Variants in CAMK2D observed in about 807,000 individuals in gnomAD.
CAMK2D encodes the protein calcium/calmodulin-dependent protein kinase type II subunit delta.
A neutral mutation model predicts 84.0 loss-of-function variants in CAMK2D; 37 were observed. That is an observed-to-expected ratio of 0.44 (90% CI 0.34 to 0.58). The LOEUF is 0.58. Among genes scored for constraint, CAMK2D ranks in the 20% least tolerant of loss-of-function variants. The pLI is 0.02. For synonymous variants in CAMK2D, 202 were observed against 212.5 expected (o/e 0.95, Z 0.43); for missense variants, 448 against 652.5 (o/e 0.69, Z 3.41).
chr4:113,652,398 C>T (rs190783521), intron 3 of CAMK2D, among the ~76,000 whole-genome samples: 6 of 151,742 alleles, frequency 4.0e-5, no homozygotes, highest in Admixed American at 1.3e-4. Flanking sequence ...TTTTCTAATT[C>T]GGCCTACTTC....
chr4:113,566,185 T>G (rs901990372), intron 4 of CAMK2D, among the ~76,000 whole-genome samples: 1 of 152,216 alleles, frequency 6.6e-6, no homozygotes, highest in Admixed American at 6.5e-5. Context: ...GTGAATCAGC[T>G]TAGTAATACT....
At position 113,538,811 on chromosome 4, in the gene CAMK2D, G is replaced by C. The variant is rs561090657; in HGVS notation, c.415-1368C>G. The stretch of plus-strand genomic sequence containing the variant: ...ATTAGGTTAAATCTACAAGAAATTA[G>C]AGTGTTGGCGAGTAAGTTTTAATCA... On this transcript the variant is annotated intron_variant, in intron 6 of 20. Coordinates refer to ENST00000511664, the MANE Select transcript of CAMK2D (RefSeq NM_001321571.2). Among the ~76,000 whole-genome samples the C allele has an allele frequency of 1.6e-3, 248 of 152,278 alleles. 1 individual carries two copies. Among genetic ancestry groups the C allele is most frequent in the African/African-American group, 5.8e-3 (242 of 41,560 alleles).
chr4:113,712,631 TA>T (rs982957788), intron 2 of CAMK2D, among the ~76,000 whole-genome samples: 1 of 152,084 alleles, frequency 6.6e-6, no homozygotes, highest in Non-Finnish European at 1.5e-5. Context: ...TCTGAAATTG[TA>T]AAAATGGAAA....
At chr4:113,455,628 T>C (rs1008803923) in intron 20 of CAMK2D, 98 bp downstream of exon 20, 5 of 652,642 alleles carry the variant, frequency 7.7e-6, no homozygotes, top group African/African-American at 1.8e-5. Flanking sequence ...TCATTGAATA[T>C]TATGCAATAA....
intron 19 of CAMK2D, 159 bp downstream of exon 19, chr4:113,457,176 C>T (rs1391012199): frequency 5.6e-6 from 8 of 1,440,728 alleles, no homozygotes; most frequent in Non-Finnish European, 6.3e-6. Context: ...TTGATCTTTC[C>T]AGAGAATCAT....
At chr4:113,691,265 G>A (rs973769218) in intron 2 of CAMK2D, among the ~76,000 whole-genome samples, 14 of 152,192 alleles carry the variant, frequency 9.2e-5, no homozygotes, top group African/African-American at 3.1e-4. Flanking sequence ...GTTAGATTTA[G>A]TTACCATACT....
At chr4:113,529,179 A>G (rs954164768) in intron 8 of CAMK2D, among the ~76,000 whole-genome samples, 4 of 152,218 alleles carry the variant, frequency 2.6e-5, no homozygotes, top group South Asian at 2.1e-4. Flanking sequence ...CCAGGGGTTG[A>G]AACTATAAAT....
chr4:113,470,693 C>T (rs530817910), intron 16 of CAMK2D, among the ~76,000 whole-genome samples: 242 of 152,034 alleles, frequency 1.6e-3, no homozygotes, highest in Non-Finnish European at 3.1e-3. Flanking sequence ...GTCAGGTCCC[C>T]GCGATGTTAT....
intron 4 of CAMK2D, among the ~76,000 whole-genome samples, chr4:113,553,964 C>T (rs915367297): frequency 3.9e-5 from 6 of 152,086 alleles, no homozygotes; most frequent in African/African-American, 7.2e-5. Context: ...AATATATACT[C>T]GTAGTTATCC....
chr4:113,573,512 G>C (rs1264893801), intron 4 of CAMK2D, among the ~76,000 whole-genome samples: 2 of 152,164 alleles, frequency 1.3e-5, no homozygotes, highest in Non-Finnish European at 2.9e-5. Flanking sequence ...AAGCACACTA[G>C]GTCTGTTGAC....
At chr4:113,651,862 G>C (rs1356371939) in intron 3 of CAMK2D, among the ~76,000 whole-genome samples, 3 of 151,994 alleles carry the variant, frequency 2.0e-5, no homozygotes, top group Non-Finnish European at 4.4e-5. Flanking sequence ...AGATAAGCCA[G>C]ATTTTTTACC....
intron 2 of CAMK2D, among the ~76,000 whole-genome samples, chr4:113,669,593 C>T (rs1045098185): frequency 4.6e-5 from 7 of 152,286 alleles, no homozygotes; most frequent in Admixed American, 1.3e-4. Context: ...CTGACATTAG[C>T]GATCTCCCCT....
rs139426416 is a variant in CAMK2D, at chr4:113,692,890, TAAAAC to T, written c.161-31123_161-31119del. 9.2e-3 allele frequency among the ~76,000 whole-genome samples: 1,394 copies of T among 152,268 alleles called. 13 individuals are homozygous for T. The highest frequency in any genetic ancestry group is 0.032 in the African/African-American group (1,315 of 41,554). On this transcript the variant is annotated intron_variant, in intron 2 of 20. Coordinates refer to ENST00000511664, the MANE Select transcript of CAMK2D (RefSeq NM_001321571.2). ...ACTATTATCTTCATAGACTATCACT[TAAAAC>T]AAATCTTTTCAAGTTCTATTAATAT...
At chr4:113,622,589 G>A (rs1169986449) in intron 3 of CAMK2D, among the ~76,000 whole-genome samples, 10 of 152,084 alleles carry the variant, frequency 6.6e-5, no homozygotes, top group Admixed American at 6.6e-5. Flanking sequence ...ACAAAGTGAC[G>A]CCCCATCTCT....
intron 8 of CAMK2D, among the ~76,000 whole-genome samples, chr4:113,523,512 CTT>C (rs1283227479): frequency 6.6e-6 from 1 of 152,120 alleles, no homozygotes; most frequent in Admixed American, 6.5e-5. Context: ...GTCCCACACA[CTT>C]TCAATCCCAG....
chr4:113,605,456 A>C (rs560841725), intron 4 of CAMK2D, among the ~76,000 whole-genome samples: 4 of 152,306 alleles, frequency 2.6e-5, no homozygotes, highest in African/African-American at 9.6e-5. Flanking sequence ...GGACAGAAAA[A>C]AGTGTTTCCT....
chr4:113,686,706 T>C (rs768880248), intron 2 of CAMK2D, among the ~76,000 whole-genome samples: 17 of 152,216 alleles, frequency 1.1e-4, no homozygotes, highest in Non-Finnish European at 1.8e-4. Flanking sequence ...AATATATTTT[T>C]AACATGATCA....
chr4:113,538,137 T>G (rs2154188400), intron 6 of CAMK2D, among the ~76,000 whole-genome samples: 1 of 152,290 alleles, frequency 6.6e-6, no homozygotes, highest in Admixed American at 6.5e-5. Context: ...CAAAGCGTGA[T>G]TCAGAGCATT....
At chr4:113,500,294 G>C (rs1337447605) in intron 16 of CAMK2D, among the ~76,000 whole-genome samples, 169 bp downstream of exon 16, 1 of 152,008 alleles carries the variant, frequency 6.6e-6, no homozygotes, top group East Asian at 1.9e-4. Context: ...GTAACATATT[G>C]TTGAAATAAT....
Sources: allele counts gnomAD v4.1 joint callset (sites outside exome capture counted in the v4.1 genomes callset), GRCh38; gene constraint gnomAD v4.1.1; transcripts MANE v1.5; gene names NCBI Gene and HGNC (gene_info 2026-07-23, HGNC 2026-07-21).